The following PCDHA4 variants were observed in gnomAD, a reference collection of about 807,000 sequenced individuals.
PCDHA4 encodes protocadherin alpha 4.
In PCDHA4, 49 loss-of-function variants were observed where a neutral mutation model predicts 61.4. That is an observed-to-expected ratio of 0.80 (90% CI 0.63 to 1.01). The LOEUF is 1.01. Among genes scored for constraint, PCDHA4 ranks in the 50% least tolerant of loss-of-function variants. The pLI, the probability that PCDHA4 is intolerant of heterozygous loss-of-function variation, is 0.00. For synonymous variants in PCDHA4, 590 were observed against 550.3 expected (o/e 1.07, Z -1.01); for missense variants, 1,254 against 1,235.8 (o/e 1.01, Z -0.22).
chr5:140,834,404 C>A lies in PCDHA4; in HGVS notation c.2385+24832C>A, dbSNP rs17844304. On this transcript the variant is annotated intron_variant, in intron 1 of 3. Coordinates refer to ENST00000530339, the MANE Select transcript of PCDHA4 (RefSeq NM_018907.4). ...TTGAAATGGTGTGCCCGAATGGATACGACCCAGGGGGCCGACATCTACTGC... is the reference window on the plus strand; with the variant it reads ...TTGAAATGGTGTGCCCGAATGGATAAGACCCAGGGGGCCGACATCTACTGC... 182 of 1,606,186 alleles carry A rather than the reference C, an allele frequency of 1.1e-4. No individual in the cohort carries two copies. The East Asian group carries it at 3.7e-3, about 32-fold the overall frequency.
rs201735874 is a variant in PCDHA4, at chr5:140,821,856, C to A, written c.2385+12284C>A. On this transcript the variant is annotated intron_variant, in intron 1 of 3. Coordinates refer to ENST00000530339, the MANE Select transcript of PCDHA4 (RefSeq NM_018907.4). ...TCCTTGCCTACTGGAAGGCAGGGAG[C>A]GGCCAGCTCCACTACTCGATCCCGG... The A allele has an allele frequency of 5.5e-5, 88 of 1,614,042 alleles. No homozygotes were observed. The highest frequency in any genetic ancestry group is 1.9e-4 in the South Asian group (17 of 91,076).
chr5:141,002,047 C>A (rs1449885583), intron 3 of PCDHA4, among the ~76,000 whole-genome samples: 2 of 152,202 alleles, frequency 1.3e-5, no homozygotes, highest in Non-Finnish European at 2.9e-5. Flanking sequence ...TCCTGGGCAT[C>A]CAGAGGCAGC....
intron 1 of PCDHA4, among the ~76,000 whole-genome samples, chr5:140,948,744 C>A (rs868917864): frequency 3.3e-5 from 5 of 151,312 alleles, no homozygotes; most frequent in South Asian, 2.1e-4. Flanking sequence ...GAGAATTTAT[C>A]AATTTTGCTG....
chr5:140,836,436 G>A (rs1195331479), intron 1 of PCDHA4: 3 of 1,613,702 alleles, frequency 1.9e-6, no homozygotes, highest in Non-Finnish European at 2.5e-6. Context: ...GGCATCGTTG[G>A]GCATTGCAGG....
intron 3 of PCDHA4, among the ~76,000 whole-genome samples, chr5:140,988,417 A>G (rs2097297098): frequency 6.6e-6 from 1 of 152,150 alleles, no homozygotes; most frequent in Non-Finnish European, 1.5e-5. Flanking sequence ...GCTTATGTAA[A>G]GAATTTGTTT....
At chr5:140,885,664 A>G (rs2060680895) in intron 1 of PCDHA4, among the ~76,000 whole-genome samples, 1 of 152,174 alleles carries the variant, frequency 6.6e-6, no homozygotes, top group Non-Finnish European at 1.5e-5. Context: ...ACCAGTTATG[A>G]GCACTCTTTC....
chr5:140,829,606 G>T (rs2150171112), intron 1 of PCDHA4: 9 of 1,611,952 alleles, frequency 5.6e-6, no homozygotes, highest in African/African-American at 1.3e-5. Context: ...GCGCGTTGTC[G>T]AGCTACATTT....
intron 1 of PCDHA4, chr5:140,864,603 C>A (rs1230930036): frequency 3.3e-5 from 5 of 152,210 alleles, no homozygotes; most frequent in Non-Finnish European, 7.3e-5. Flanking sequence ...AGATAGCCAA[C>A]AACTTTGTTC....
At chr5:140,926,178 G>GC (rs1221259064) in intron 1 of PCDHA4, among the ~76,000 whole-genome samples, 2 of 151,700 alleles carry the variant, frequency 1.3e-5, no homozygotes, top group Non-Finnish European at 2.9e-5. Flanking sequence ...AGCGCGGAAA[G>GC]CCCCCCGCAG....
intron 3 of PCDHA4, among the ~76,000 whole-genome samples, chr5:141,000,421 ATTTTTTTT>A (rs34755515): frequency 1.4e-4 from 4 of 27,978 alleles, no homozygotes; most frequent in African/African-American, 7.1e-4. Flanking sequence ...ATATATATAT[ATTTTTTTT>A]TTTTTTTTTT....
chr5:140,987,078 G>T (rs1158243032), intron 3 of PCDHA4, among the ~76,000 whole-genome samples: 4 of 152,026 alleles, frequency 2.6e-5, no homozygotes, highest in Non-Finnish European at 5.9e-5. Context: ...GCTGGGCGTG[G>T]TGGCAGGTGC....
intron 1 of PCDHA4, chr5:140,834,581 G>C: frequency 1.2e-6 from 2 of 1,614,124 alleles, no homozygotes; most frequent in East Asian, 4.5e-5. Flanking sequence ...TGTTCCGGGC[G>C]GTGTGCAAAT....
chr5:140,993,281 C>T (rs2097548459), intron 3 of PCDHA4, among the ~76,000 whole-genome samples: 1 of 152,102 alleles, frequency 6.6e-6, no homozygotes. Flanking sequence ...TCTTTTCTTG[C>T]CCAGGGTCAC....
chr5:140,899,162 C>T (rs1237064232), intron 1 of PCDHA4, among the ~76,000 whole-genome samples: 31 of 152,224 alleles, frequency 2.0e-4, no homozygotes, highest in African/African-American at 7.2e-4. Flanking sequence ...TTCCTCTTTT[C>T]CTAATTGAAT....
intron 1 of PCDHA4, among the ~76,000 whole-genome samples, chr5:140,935,092 C>T (rs1015892831): frequency 2.6e-5 from 4 of 152,100 alleles, no homozygotes; most frequent in Non-Finnish European, 5.9e-5. Context: ...TTCCCAGAAT[C>T]AGCCATTTTT....
intron 1 of PCDHA4, chr5:140,827,862 T>C (rs1402677549): frequency 1.7e-6 from 1 of 602,742 alleles, no homozygotes; most frequent in Non-Finnish European, 2.9e-6. Flanking sequence ...AAATATATGG[T>C]ATAGCACTGT....
intron 1 of PCDHA4, among the ~76,000 whole-genome samples, chr5:140,904,464 T>G (rs2071152048): frequency 1.3e-5 from 2 of 151,802 alleles, no homozygotes; most frequent in South Asian, 4.1e-4. Context: ...CACTTGTTGA[T>G]TGGTGGCTAT....
At chr5:140,982,713 A>G (rs2096998735) in intron 3 of PCDHA4, 150 bp downstream of exon 3, 2 of 1,373,774 alleles carry the variant, frequency 1.5e-6, no homozygotes, top group African/African-American at 1.5e-5. Flanking sequence ...CCTTACATAT[A>G]TGATTATTTT....
intron 1 of PCDHA4, chr5:140,870,427 G>T: frequency 1.9e-6 from 3 of 1,614,220 alleles, no homozygotes; most frequent in Non-Finnish European, 2.5e-6. Context: ...CAGGGTATCC[G>T]TGGAGGTGGC....
Sources: allele counts gnomAD v4.1 joint callset (sites outside exome capture counted in the v4.1 genomes callset), GRCh38; gene constraint gnomAD v4.1.1; transcripts MANE v1.5; gene names NCBI Gene and HGNC (gene_info 2026-07-23, HGNC 2026-07-21).